POLQ: variants seen among roughly 807,000 people sequenced by gnomAD.
The protein encoded by POLQ is DNA polymerase theta.
POLQ carries 233 observed loss-of-function variants against 259.2 expected under a neutral mutation model. That is an observed-to-expected ratio of 0.90 (90% CI 0.81 to 1.00). The LOEUF is 1.00. Ranked by LOEUF, POLQ falls within the 50% of genes least tolerant of loss-of-function variation. The pLI, the probability that POLQ is intolerant of heterozygous loss-of-function variation, is 0.00. For synonymous variants in POLQ, 1,025 were observed against 1,048.8 expected, an observed-to-expected ratio of 0.98 and a Z score of 0.44; for missense variants, 2,871 against 3,051.6, an observed-to-expected ratio of 0.94 and a Z score of 1.39.
In POLQ at chr3:121,485,202, G is replaced by A; in HGVS notation, c.5630-18C>T. 6.7e-7 allele frequency: 1 copy of A among 1,502,628 alleles called. No homozygotes were observed. The highest frequency in any genetic ancestry group is 1.3e-5 in the South Asian group (1 of 79,746). 93.1% of individuals were successfully genotyped at this position (1,502,628 alleles called of 1,614,324 possible). A position where few individuals can be genotyped will look rare whatever the true frequency, so the allele number is the denominator to read the frequency against. ...TGAGCTAGCTAAGTAAAACAAAAGTGAAACAGTTAAAAATCTCTAAAAATA... is the reference window on the plus strand; with the variant it reads ...TGAGCTAGCTAAGTAAAACAAAAGTAAAACAGTTAAAAATCTCTAAAAATA... On this transcript the variant is annotated intron_variant, in intron 16 of 29. Transcript: ENST00000264233.
intron 16 of POLQ, among the ~76,000 whole-genome samples, chr3:121,486,554 AAATAAT>A (rs147855797): frequency 1.3e-4 from 20 of 151,030 alleles, no homozygotes; most frequent in African/African-American, 4.6e-4. Flanking sequence ...TCTGTCTAAA[AAATAAT>A]AATAATAATA....
intron 7 of POLQ, among the ~76,000 whole-genome samples, chr3:121,529,176 T>A (rs1326156569): frequency 6.8e-6 from 1 of 147,006 alleles, no homozygotes; most frequent in Non-Finnish European, 1.5e-5. Flanking sequence ...AATCCACATA[T>A]AAATGAACGC....
intron 28 of POLQ, among the ~76,000 whole-genome samples, chr3:121,435,523 G>C (rs937328504): frequency 1.3e-5 from 2 of 152,156 alleles, no homozygotes; most frequent in Admixed American, 1.3e-4. Context: ...AACACTATGA[G>C]GCTATTTGCC....
intron 4 of POLQ, among the ~76,000 whole-genome samples, chr3:121,538,006 A>AC (rs2048462517): frequency 6.6e-6 from 1 of 152,172 alleles, no homozygotes; most frequent in South Asian, 2.1e-4. Context: ...TTATTAGCTT[A>AC]CTCAGGGCTA....
chr3:121,540,514 A>G (rs2048482548), intron 3 of POLQ, among the ~76,000 whole-genome samples: 1 of 152,230 alleles, frequency 6.6e-6, no homozygotes, highest in South Asian at 2.1e-4. Flanking sequence ...ATGCCCTAAA[A>G]ACTGTGAGCA....
chr3:121,469,844 T>C (rs1159554289), intron 22 of POLQ, among the ~76,000 whole-genome samples: 1 of 152,190 alleles, frequency 6.6e-6, no homozygotes, highest in Non-Finnish European at 1.5e-5. Flanking sequence ...CATTATAAAA[T>C]ATTATTAAAA....
rs776241073 is a variant in POLQ at position 121,481,797 on chromosome 3, G to A, written c.5986C>T (p.Leu1996=). The A allele has an allele frequency of 6.2e-7, 1 of 1,611,214 alleles. No individual in the cohort carries two copies. Among genetic ancestry groups the A allele is most frequent in the East Asian group, 2.2e-5 (1 of 44,794 alleles). Residue 1996 remains leucine (L), a synonymous_variant, in exon 19 of 30, where the codon CTA becomes TTA. Coordinates refer to ENST00000264233, the MANE Select transcript of POLQ (RefSeq NM_199420.4). ...GTCGGCTCCTGAGAATCTGGATCTAGTAACCAGCATGCCACCTGAATGGGA... is the reference window on the plus strand; with the variant it reads ...GTCGGCTCCTGAGAATCTGGATCTAATAACCAGCATGCCACCTGAATGGGA... The part of the protein sequence containing the change: ...YEDPKVACWL[L]DPDSQEPTLH...
At chr3:121,540,506 G>A (rs1436466578) in intron 3 of POLQ, among the ~76,000 whole-genome samples, 1 of 152,156 alleles carries the variant, frequency 6.6e-6, no homozygotes, top group African/African-American at 2.4e-5. Flanking sequence ...TTGTGAAAAT[G>A]CCCTAAAAAC....
chr3:121,471,507 C>T (rs1376059389), intron 22 of POLQ, among the ~76,000 whole-genome samples: 4 of 151,872 alleles, frequency 2.6e-5, no homozygotes, highest in South Asian at 2.1e-4. Flanking sequence ...TTTGGGAGGC[C>T]GAGGCAGGTG....
At chr3:121,484,921 T>A (rs950972366) in intron 17 of POLQ, 120 bp downstream of exon 17, 11 of 812,240 alleles carry the variant, frequency 1.4e-5, no homozygotes, top group African/African-American at 8.9e-5. Context: ...CAAAAAAAAA[T>A]TTAACTCTAA....
intron 25 of POLQ, among the ~76,000 whole-genome samples, chr3:121,457,901 C>G (rs1178468286): frequency 1.3e-5 from 2 of 152,044 alleles, no homozygotes; most frequent in African/African-American, 2.4e-5. Flanking sequence ...ACCCAAAGGA[C>G]TATAAATCAT....
At chr3:121,513,424 A>C (rs567907465) in intron 9 of POLQ, among the ~76,000 whole-genome samples, 1 of 151,680 alleles carries the variant, frequency 6.6e-6, no homozygotes, top group South Asian at 2.1e-4. Context: ...CAACATGGTG[A>C]AACCCCGCCT....
At chr3:121,433,636 A>G (rs2047519975) in intron 28 of POLQ, among the ~76,000 whole-genome samples, 1 of 152,228 alleles carries the variant, frequency 6.6e-6, no homozygotes, top group Admixed American at 6.5e-5. Context: ...GAGATAATCC[A>G]TACCTTCCAG....
chr3:121,509,916 A>G (rs1486547914), intron 11 of POLQ, 123 bp downstream of exon 11: 11 of 905,710 alleles, frequency 1.2e-5, no homozygotes, highest in Non-Finnish European at 6.9e-6. Flanking sequence ...GAGTTGATAC[A>G]CTGCTCAAAA....
At chr3:121,444,173 G>A (rs1186300073) in intron 26 of POLQ, among the ~76,000 whole-genome samples, 2 of 151,792 alleles carry the variant, frequency 1.3e-5, no homozygotes, top group Admixed American at 6.6e-5. Context: ...TAAATCTGTT[G>A]ATTGACTTGG....
intron 12 of POLQ, among the ~76,000 whole-genome samples, chr3:121,506,296 C>CAAAAACA (rs1207954331): frequency 1.3e-5 from 2 of 151,480 alleles, no homozygotes; most frequent in South Asian, 2.1e-4. Flanking sequence ...AAAACAAAAA[C>CAAAAACA]AAAAAAACAC....
chr3:121,525,148 T>C (rs964499749), intron 7 of POLQ, among the ~76,000 whole-genome samples: 7 of 152,230 alleles, frequency 4.6e-5, no homozygotes, highest in Non-Finnish European at 7.4e-5. Flanking sequence ...GAGACCATCC[T>C]GGCTAACACG....
At chr3:121,457,477 C>T (rs1471405999) in intron 25 of POLQ, among the ~76,000 whole-genome samples, 6 of 152,078 alleles carry the variant, frequency 3.9e-5, no homozygotes, top group South Asian at 4.2e-4. Flanking sequence ...ATTTTCGCAA[C>T]CTACTCATCT....
intron 25 of POLQ, among the ~76,000 whole-genome samples, chr3:121,455,664 C>A (rs574327969): frequency 4.6e-5 from 7 of 152,186 alleles, no homozygotes; most frequent in South Asian, 2.1e-4. Flanking sequence ...GACACACACA[C>A]GCTCCCAAGA....
Sources: gnomAD v4.1 joint callset for allele counts (sites outside exome capture counted in the v4.1 genomes callset) on GRCh38, gnomAD v4.1.1 for gene constraint, MANE v1.5 for transcripts, NCBI Gene and HGNC (gene_info 2026-07-23, HGNC 2026-07-21) for gene names.